Variants in TBC1D31 observed in about 807,000 individuals in gnomAD.
TBC1D31 encodes the protein WD repeat domain 67.
TBC1D31 carries 99 observed loss-of-function variants against 132.9 expected under a neutral mutation model. The ratio of observed to expected loss-of-function variants is 0.74; its 90% CI spans 0.63 to 0.88. TBC1D31 has a LOEUF of 0.88. Ranked by LOEUF, TBC1D31 falls within the 40% of genes least tolerant of loss-of-function variation. The pLI is 0.00. For synonymous variants in TBC1D31, 385 were observed against 419.4 expected (o/e 0.92, Z 1.00); for missense variants, 1,134 against 1,256.6 (o/e 0.90, Z 1.48).
At chr8:123,139,676 C>T (rs562797387) in intron 17 of TBC1D31, among the ~76,000 whole-genome samples, 5 of 151,042 alleles carry the variant, frequency 3.3e-5, no homozygotes, top group East Asian at 1.9e-4. Context: ...GAACACAGCC[C>T]GTAGCATATA....
In TBC1D31 at chr8:123,126,088, C is replaced by T; in HGVS notation, c.1603C>T (p.Pro535Ser). The change falls in exon 12 of 22, where the codon CCT becomes TCT. Residue 535 changes from proline to serine, a missense_variant. Coordinates refer to ENST00000287380, the MANE Select transcript of TBC1D31 (RefSeq NM_145647.4). ...GTGTCAACACTGGTTTGAATATTTT[C>T]CTAATCCTCCTATCAATATTCTTAG... ...NWCQHWFEYF[P>S]NPPINILSMI... 1 of 1,607,454 alleles carries T rather than the reference C, an allele frequency of 6.2e-7. No homozygotes were observed. The highest frequency in any genetic ancestry group is 8.5e-7 in the Non-Finnish European group (1 of 1,177,238).
chr8:123,127,243 G>A lies in TBC1D31; in HGVS notation c.1884+556G>A, dbSNP rs373904789. 8.1e-5 allele frequency among the ~76,000 whole-genome samples: 12 copies of A among 148,582 alleles called. No homozygotes were observed. In the East Asian group the frequency reaches 2.2e-3, roughly 27 times the overall value. On this transcript the variant is annotated intron_variant, in intron 13 of 21. Transcript: ENST00000287380. Reference sequence around the variant, plus strand: ...TTAAGAAAAGAATCATGATAATATTGGGGTTTGTGCTTTTTGCATTTTTTT... The same window carrying A: ...TTAAGAAAAGAATCATGATAATATTAGGGTTTGTGCTTTTTGCATTTTTTT...
intron 4 of TBC1D31, among the ~76,000 whole-genome samples, chr8:123,086,752 C>G (rs1472102896): frequency 6.6e-6 from 1 of 150,892 alleles, no homozygotes; most frequent in African/African-American, 2.4e-5. Context: ...CGGAATCTGG[C>G]TCTGGCATCC....
chr8:123,105,572 T>C (rs1817846247), intron 8 of TBC1D31, 108 bp downstream of exon 8: 1 of 990,252 alleles, frequency 1.0e-6, no homozygotes, highest in South Asian at 2.1e-5. Context: ...AGAAAGAGAA[T>C]AAAATGAAGA....
chr8:123,102,358 C>CTCCT, intron 7 of TBC1D31: 2 of 389,928 alleles, frequency 5.1e-6, no homozygotes, highest in Non-Finnish European at 1.0e-5. Flanking sequence ...CGTTTGCCAC[C>CTCCT]TTTTTTTATT....
chr8:123,108,054 C>T (rs1204444929), intron 8 of TBC1D31, among the ~76,000 whole-genome samples: 1 of 152,156 alleles, frequency 6.6e-6, no homozygotes, highest in African/African-American at 2.4e-5. Context: ...TTTAATATGG[C>T]ACTCAAGTAT....
rs1298362262 is a variant in TBC1D31 at position 123,112,463 on chromosome 8, A to C, written c.1436+2843A>C. The stretch of plus-strand genomic sequence containing the variant: ...TGTATTTACAAATATGTTTGTATTT[A>C]CCTCCTTAGGTAAATGGTTGTATAC... On this transcript the variant is annotated intron_variant, in intron 10 of 21. Coordinates refer to ENST00000287380, the MANE Select transcript of TBC1D31 (RefSeq NM_145647.4). Among the ~76,000 whole-genome samples the C allele has an allele frequency of 3.9e-5, 6 of 152,208 alleles. No individual in the cohort carries two copies. In the East Asian group the frequency reaches 1.2e-3, roughly 29 times the overall value.
chr8:123,149,116 C>T (rs1383006058), intron 20 of TBC1D31, among the ~76,000 whole-genome samples: 2 of 151,882 alleles, frequency 1.3e-5, no homozygotes, highest in Non-Finnish European at 2.9e-5. Context: ...TTTCTTTTTC[C>T]GCTGAGTTCT....
rs780235477 is a variant in TBC1D31, at chr8:123,150,029, A to T, written c.2975-7A>T. 7 of 1,610,994 alleles carry T rather than the reference A, an allele frequency of 4.3e-6. No individual in the cohort carries two copies. The Admixed American group carries it at 6.7e-5, about 15-fold the overall frequency. ...ACATCATCTTAATCTCCTCACTTTT[A>T]TAACAGAAGAACCCAGGTTCCAAAA... On this transcript the variant is annotated splice_region_variant and splice_polypyrimidine_tract_variant and intron_variant, in intron 20 of 21. Coordinates refer to ENST00000287380, the MANE Select transcript of TBC1D31 (RefSeq NM_145647.4).
intron 18 of TBC1D31, among the ~76,000 whole-genome samples, chr8:123,141,621 A>G (rs1821680479): frequency 6.6e-6 from 1 of 152,176 alleles, no homozygotes; most frequent in South Asian, 2.1e-4. Context: ...AAAAACCAGG[A>G]ATAGTGTACC....
chr8:123,080,529 C>CTTTTTTTT (rs57694076), intron 2 of TBC1D31, among the ~76,000 whole-genome samples: 15 of 76,320 alleles, frequency 2.0e-4, no homozygotes, highest in African/African-American at 2.7e-4. Context: ...TTCTTTTATT[C>CTTTTTTTT]TTTTTTTTTT....
chr8:123,161,448 A>G, the TBC1D31 span, among the ~76,000 whole-genome samples: 593 of 152,310 alleles, frequency 3.9e-3, 3 homozygotes, highest in African/African-American at 0.014. Flanking sequence ...TCAGTGCTTC[A>G]ATTGCCCCTC....
intron 11 of TBC1D31, 77 bp downstream of exon 11, chr8:123,120,265 A>C (rs947481766): frequency 8.3e-7 from 1 of 1,202,196 alleles, no homozygotes; most frequent in African/African-American, 1.5e-5. Flanking sequence ...CACCTTTGCA[A>C]CATTTAACAA....
intron 4 of TBC1D31, among the ~76,000 whole-genome samples, chr8:123,093,368 A>T (rs1371072981): frequency 6.6e-6 from 1 of 151,624 alleles, no homozygotes; most frequent in Non-Finnish European, 1.5e-5. Flanking sequence ...TGACTTGCCT[A>T]GTCATTATAG....
intron 18 of TBC1D31, among the ~76,000 whole-genome samples, chr8:123,141,785 C>A (rs1251536599): frequency 1.3e-5 from 2 of 150,600 alleles, no homozygotes; most frequent in Admixed American, 1.3e-4. Flanking sequence ...TGAATCCCAC[C>A]CATACCCTAG....
chr8:123,160,572 C>T, the TBC1D31 span, among the ~76,000 whole-genome samples: 4 of 152,100 alleles, frequency 2.6e-5, no homozygotes, highest in African/African-American at 4.8e-5. Context: ...GGCGACCTCC[C>T]GGCTCCCAGA....
In TBC1D31 at chr8:123,082,734, G is replaced by T. The variant is rs367584320; in HGVS notation, c.257G>T (p.Cys86Phe). 1.2e-6 allele frequency: 2 copies of T among 1,612,732 alleles called. No individual in the cohort carries two copies. The highest frequency in any genetic ancestry group is 2.7e-5 in the African/African-American group (2 of 74,934). ...FNLVQRTAQA[C>F]TALAFNLRRK... ...CTTGTTCAGCGAACAGCACAAGCTT[G>T]CACAGCTCTGGCCTTTAATCTTCGT... The change falls in exon 3 of 22, where the codon TGC becomes TTC. Residue 86 changes from cysteine to phenylalanine, a missense_variant. By Grantham distance (205) the Cys-to-Phe change is radical. Transcript: ENST00000287380.
intron 20 of TBC1D31, among the ~76,000 whole-genome samples, chr8:123,146,815 G>T (rs912401888): frequency 1.3e-5 from 2 of 151,786 alleles, no homozygotes; most frequent in Non-Finnish European, 2.9e-5. Context: ...TTCCTGAGTC[G>T]CTGGGACTAC....
intron 19 of TBC1D31, among the ~76,000 whole-genome samples, chr8:123,142,903 A>G (rs1821845593): frequency 6.6e-6 from 1 of 152,196 alleles, no homozygotes; most frequent in South Asian, 2.1e-4. Context: ...AAGATGCTGA[A>G]TAGGTAGAAA....
Sources: allele counts gnomAD v4.1 joint callset (sites outside exome capture counted in the v4.1 genomes callset), GRCh38; gene constraint gnomAD v4.1.1; transcripts MANE v1.5; gene names NCBI Gene and HGNC (gene_info 2026-07-23, HGNC 2026-07-21).